SYT14: variants seen among roughly 807,000 people sequenced by gnomAD.
SYT14 encodes the protein synaptotagmin-14.
Under a neutral mutation model 74.2 loss-of-function variants are expected in SYT14, and 32 were observed. The observed-to-expected ratio is 0.43, with a 90% CI of 0.33 to 0.58. The LOEUF (loss-of-function observed/expected upper bound fraction) is 0.58, where lower values mean the gene tolerates loss of function less well. Among genes scored for constraint, SYT14 ranks in the 20% least tolerant of loss-of-function variants. The pLI is 0.05. For missense variants in SYT14, 791 were observed against 981.8 expected, an observed-to-expected ratio of 0.81 and a Z score of 2.60; for synonymous variants, 298 against 337.7, an observed-to-expected ratio of 0.88 and a Z score of 1.29.
intron 4 of SYT14, among the ~76,000 whole-genome samples, chr1:210,019,109 C>G (rs186401976): frequency 3.0e-4 from 34 of 113,120 alleles, no homozygotes; most frequent in African/African-American, 1.2e-3. Context: ...GCACTCCAGA[C>G]TGGCAACAGG....
intron 2 of SYT14, among the ~76,000 whole-genome samples, chr1:209,996,338 A>G (rs2079790459): frequency 6.6e-6 from 1 of 152,164 alleles, no homozygotes; most frequent in South Asian, 2.1e-4. Context: ...AATGCACACA[A>G]ATTAGAAAAT....
intron 2 of SYT14, among the ~76,000 whole-genome samples, chr1:209,968,243 C>T (rs1307075778): frequency 1.3e-5 from 2 of 152,128 alleles, no homozygotes; most frequent in Non-Finnish European, 2.9e-5. Flanking sequence ...TAGTCCTATA[C>T]TGACATATCA....
intron 2 of SYT14, among the ~76,000 whole-genome samples, chr1:209,981,450 CTTTTTT>C (rs1183885685): frequency 2.0e-5 from 2 of 99,050 alleles, no homozygotes; most frequent in Non-Finnish European, 3.8e-5. Context: ...TTTTTCTTTT[CTTTTTT>C]TTTTTTTTTT....
At chr1:209,982,120 A>G (rs1027785146) in intron 2 of SYT14, among the ~76,000 whole-genome samples, 6 of 152,176 alleles carry the variant, frequency 3.9e-5, no homozygotes, top group East Asian at 1.9e-4. Flanking sequence ...GTTACTTTAC[A>G]TAGTCCCATA....
At chr1:209,996,246 A>T (rs2102860442) in intron 2 of SYT14, among the ~76,000 whole-genome samples, 1 of 152,240 alleles carries the variant, frequency 6.6e-6, no homozygotes, top group South Asian at 2.1e-4. Context: ...ATTAACAAAT[A>T]CAGTTGGAAA....
chr1:209,950,786 C>T (rs2078899216), intron 1 of SYT14, among the ~76,000 whole-genome samples: 1 of 151,982 alleles, frequency 6.6e-6, no homozygotes, highest in African/African-American at 2.4e-5. Context: ...TTTCTTATAA[C>T]CAAGCTGTTT....
chr1:209,958,215 T>C (rs1457275903), intron 2 of SYT14, among the ~76,000 whole-genome samples: 2 of 152,168 alleles, frequency 1.3e-5, no homozygotes, highest in Admixed American at 6.5e-5. Flanking sequence ...CTCTGTCAAG[T>C]TTTTATCAAG....
chr1:210,018,628 T>C (rs1199789518), intron 4 of SYT14, among the ~76,000 whole-genome samples: 2 of 152,216 alleles, frequency 1.3e-5, no homozygotes, highest in Non-Finnish European at 2.9e-5. Context: ...TTTTTAACTT[T>C]TTAAATTTGT....
At chr1:210,116,292 G>A (rs2082359833) in intron 7 of SYT14, among the ~76,000 whole-genome samples, 1 of 152,114 alleles carries the variant, frequency 6.6e-6, no homozygotes, top group East Asian at 1.9e-4. Flanking sequence ...TTTATTGCCT[G>A]TAGTTTCATT....
intron 5 of SYT14, among the ~76,000 whole-genome samples, chr1:210,058,088 A>T (rs1056935210): frequency 6.6e-6 from 1 of 152,152 alleles, no homozygotes; most frequent in African/African-American, 2.4e-5. Flanking sequence ...GGGTTTTGTT[A>T]TTCTGGAATC....
At chr1:210,048,475 TC>T (rs943914653) in intron 5 of SYT14, among the ~76,000 whole-genome samples, 3 of 151,944 alleles carry the variant, frequency 2.0e-5, no homozygotes, top group Non-Finnish European at 4.4e-5. Context: ...TGCGGGAAAG[TC>T]CCCCTTTTAA....
rs371677085 is a variant in SYT14, at chr1:210,013,613, G to A, written c.-485-20G>A. On this transcript the variant is annotated intron_variant, in intron 2 of 9. Transcript: ENST00000637265. ...TAAAGAAAAATAAATGCTTACAGCT[G>A]TGACTTTTTTTTTCTCTAGTATCTC... is the stretch of plus-strand genomic sequence containing the variant. 2.5e-6 allele frequency: 4 copies of A among 1,607,488 alleles called. No homozygotes were observed. In the African/African-American group the frequency reaches 5.4e-5, roughly 22 times the overall value.
rs535385564 is a variant in SYT14 at position 210,115,834 on chromosome 1, C to T, written c.2034+15373C>T. On this transcript the variant is annotated intron_variant, in intron 7 of 9. Transcript: ENST00000637265. ...CCAAGGGAGGTCTCCCAGTCTGAGT[C>T]ACGGCACCAAATTTCATGTGCATCT... Among the ~76,000 whole-genome samples the T allele has an allele frequency of 1.4e-3, 213 of 151,324 alleles. 13 individuals are homozygous for T. Among genetic ancestry groups the T allele is most frequent in the African/African-American group, 5.1e-3 (208 of 40,658 alleles).
chr1:210,059,668 A>G (rs1276628724), intron 5 of SYT14, among the ~76,000 whole-genome samples: 1 of 152,042 alleles, frequency 6.6e-6, no homozygotes, highest in African/African-American at 2.4e-5. Flanking sequence ...ATTAGCCACC[A>G]CATTGCACTA....
At chr1:210,084,496 A>G (rs1178360276) in intron 5 of SYT14, among the ~76,000 whole-genome samples, 1 of 151,884 alleles carries the variant, frequency 6.6e-6, no homozygotes, top group African/African-American at 2.4e-5. Context: ...CAACTCTTCT[A>G]CTCTCCTGGT....
chr1:209,965,217 AC>A lies in SYT14; in HGVS notation c.-486+12464del. Among the ~76,000 whole-genome samples the A allele has an allele frequency of 2.0e-5, 3 of 152,228 alleles. No individual in the cohort carries two copies. The Middle Eastern group carries it at 0.01, about 518-fold the overall frequency. ...AAACAGAATACTCAATAGTTATTCA[AC>A]CCTTTTCCCCCTCCCTTTCTCTTCT... On this transcript the variant is annotated intron_variant, in intron 2 of 9. Transcript: ENST00000637265.
intron 5 of SYT14, among the ~76,000 whole-genome samples, chr1:210,071,142 C>T (rs987475609): frequency 1.3e-5 from 2 of 151,526 alleles, no homozygotes; most frequent in African/African-American, 2.4e-5. Flanking sequence ...GATGCCTTCC[C>T]CCTCTACAGA....
chr1:209,975,947 G>C (rs944241361), intron 2 of SYT14, among the ~76,000 whole-genome samples: 7 of 151,944 alleles, frequency 4.6e-5, no homozygotes, highest in Non-Finnish European at 8.8e-5. Flanking sequence ...TGTATGTGTC[G>C]AGGAATTTAT....
At chr1:209,966,274 T>A (rs1378548606) in intron 2 of SYT14, among the ~76,000 whole-genome samples, 1 of 152,174 alleles carries the variant, frequency 6.6e-6, no homozygotes, top group Non-Finnish European at 1.5e-5. Flanking sequence ...GAAGTGCAAG[T>A]CTATAAATTT....
Sources: allele counts gnomAD v4.1 joint callset (sites outside exome capture counted in the v4.1 genomes callset), GRCh38; gene constraint gnomAD v4.1.1; transcripts MANE v1.5; gene names NCBI Gene and HGNC (gene_info 2026-07-23, HGNC 2026-07-21).